Variants in NBAS observed in about 807,000 individuals in gnomAD.
NBAS encodes the protein NAG/BC035112 fusion.
NBAS carries 219 observed loss-of-function variants against 302.5 expected under a neutral mutation model. The ratio of observed to expected loss-of-function variants is 0.72; its 90% CI spans 0.65 to 0.81. The LOEUF (loss-of-function observed/expected upper bound fraction) is 0.81. Ranked by LOEUF, NBAS falls within the 30% of genes least tolerant of loss-of-function variation. NBAS has a pLI of 0.00. For missense variants in NBAS, 2,932 were observed against 2,841.6 expected, an observed-to-expected ratio of 1.03 and a Z score of -0.72; for synonymous variants, 1,118 against 1,021.6, an observed-to-expected ratio of 1.09 and a Z score of -1.80.
At chr2:14,797,426 C>G in the NBAS span, among the ~76,000 whole-genome samples, 1 of 152,178 alleles carries the variant, frequency 6.6e-6, no homozygotes, top group Non-Finnish European at 1.5e-5. Context: ...TGGGGCTAGG[C>G]CAGCCCAGGA....
chr2:15,552,994 G>A lies in NBAS; in HGVS notation c.335+432C>T, dbSNP rs1004000025. 7.9e-5 allele frequency among the ~76,000 whole-genome samples: 12 copies of A among 151,974 alleles called. 1 individual carries two copies. Among genetic ancestry groups the A allele is most frequent in the East Asian group, 1.9e-4 (1 of 5,170 alleles). ...TAATTTTTGTATTTTCAGTAGAGACGGGGTTTCACCACGTTGGCCAGGATG... is the reference window on the plus strand; with the variant it reads ...TAATTTTTGTATTTTCAGTAGAGACAGGGTTTCACCACGTTGGCCAGGATG... On this transcript the variant is annotated intron_variant, in intron 5 of 51. Coordinates refer to ENST00000281513, the MANE Select transcript of NBAS (RefSeq NM_015909.4).
intron 50 of NBAS, chr2:15,179,409 C>A (rs1307497604): frequency 1.1e-5 from 4 of 352,688 alleles, no homozygotes; most frequent in Non-Finnish European, 2.1e-5. Context: ...TTTTCCTAAA[C>A]TCTCACAGCC....
the NBAS span, among the ~76,000 whole-genome samples, chr2:15,056,356 T>C: frequency 2.0e-5 from 3 of 152,194 alleles, no homozygotes; most frequent in African/African-American, 7.2e-5. Context: ...AGTATTTGGG[T>C]ATGATGGGGT....
chr2:15,293,652 A>G (rs1374118575), intron 40 of NBAS, among the ~76,000 whole-genome samples: 3 of 30,924 alleles, frequency 9.7e-5, no homozygotes, highest in South Asian at 2.4e-3. Context: ...CAAATTAGAG[A>G]AAAAAAAAAG....
the NBAS span, among the ~76,000 whole-genome samples, chr2:14,952,077 C>A: frequency 6.6e-6 from 1 of 152,194 alleles, no homozygotes; most frequent in Non-Finnish European, 1.5e-5. Context: ...CCCTCTACCT[C>A]TCAGAAAGGA....
In NBAS at chr2:15,190,396, A is replaced by ATGTC; in HGVS notation, c.6436_6439dup (p.Ile2147ArgfsTer4). 1 of 1,613,924 alleles carries ATGTC rather than the reference A, an allele frequency of 6.2e-7. No homozygotes were observed. The highest frequency in any genetic ancestry group is 8.5e-7 in the Non-Finnish European group (1 of 1,179,896). ...GTTCTCTTCATTCTCAATGTCAGCT[A>ATGTC]TGTCTACCTGGAAGAAGAAATACAC... is the stretch of plus-strand genomic sequence containing the variant. On this transcript the variant is annotated frameshift_variant, in exon 49 of 52. Coordinates refer to ENST00000281513, the MANE Select transcript of NBAS (RefSeq NM_015909.4). LOFTEE classifies it high-confidence loss of function.
At chr2:14,787,690 C>T in the NBAS span, among the ~76,000 whole-genome samples, 8 of 152,144 alleles carry the variant, frequency 5.3e-5, no homozygotes, top group Non-Finnish European at 1.0e-4. Context: ...CCAAGAGATC[C>T]GCTGTTAGTC....
At chr2:15,438,504 A>C (rs1395679979) in intron 21 of NBAS, among the ~76,000 whole-genome samples, 1 of 152,182 alleles carries the variant, frequency 6.6e-6, no homozygotes, top group African/African-American at 2.4e-5. Context: ...AATCTAAAAA[A>C]CTACCACCAC....
chr2:14,930,048 G>GT, the NBAS span, among the ~76,000 whole-genome samples: 39 of 152,162 alleles, frequency 2.6e-4, no homozygotes, highest in Non-Finnish European at 3.5e-4. Context: ...TGCCACGATT[G>GT]TAAGTTTCCT....
At chr2:15,179,791 C>T (rs1558413912) in intron 50 of NBAS, 4 of 152,322 alleles carry the variant, frequency 2.6e-5, no homozygotes, top group African/African-American at 9.7e-5. Context: ...ATTTTATTCT[C>T]AGCCCTGTAT....
chr2:15,193,914 T>TTA (rs1665485961), intron 48 of NBAS, among the ~76,000 whole-genome samples: 1 of 151,932 alleles, frequency 6.6e-6, no homozygotes, highest in Admixed American at 6.6e-5. Flanking sequence ...AAGGGAAAAT[T>TTA]CTGAAGAGTG....
At chr2:15,228,147 A>G (rs967864441) in intron 47 of NBAS, among the ~76,000 whole-genome samples, 1 of 152,206 alleles carries the variant, frequency 6.6e-6, no homozygotes, top group South Asian at 2.1e-4. Flanking sequence ...AATAGCAAAA[A>G]TATAAATAAT....
the NBAS span, among the ~76,000 whole-genome samples, chr2:14,986,686 A>T: frequency 6.6e-6 from 1 of 152,242 alleles, no homozygotes; most frequent in East Asian, 1.9e-4. Context: ...ATTTACTTGA[A>T]CTTTCCAATG....
chr2:15,117,131 T>C, the NBAS span, among the ~76,000 whole-genome samples: 3 of 152,136 alleles, frequency 2.0e-5, no homozygotes, highest in South Asian at 4.1e-4. Flanking sequence ...CTGACATACC[T>C]GGCAGAGGAA....
intron 33 of NBAS, among the ~76,000 whole-genome samples, chr2:15,354,962 C>T (rs1355562312): frequency 1.3e-5 from 2 of 152,126 alleles, no homozygotes; most frequent in Non-Finnish European, 2.9e-5. Flanking sequence ...AATTTTCCAC[C>T]CACTGACCCT....
At chr2:15,553,397 T>C (rs1664473699) in intron 5 of NBAS, 29 bp downstream of exon 5, 3 of 1,570,558 alleles carry the variant, frequency 1.9e-6, no homozygotes, top group Non-Finnish European at 2.6e-6. Context: ...TCAAAGGAAA[T>C]CTTGAATATG....
At chr2:14,807,908 CTCTG>C in the NBAS span, among the ~76,000 whole-genome samples, 10 of 152,142 alleles carry the variant, frequency 6.6e-5, no homozygotes, top group Admixed American at 3.3e-4. Context: ...TGCTATCCCT[CTCTG>C]TCTCTCTCTC....
At chr2:15,079,609 C>T in the NBAS span, among the ~76,000 whole-genome samples, 9 of 152,174 alleles carry the variant, frequency 5.9e-5, no homozygotes, top group African/African-American at 1.9e-4. Context: ...TTATGACACA[C>T]TCAATTCCTG....
intron 38 of NBAS, among the ~76,000 whole-genome samples, chr2:15,313,938 C>CT (rs1279606697): frequency 6.6e-6 from 1 of 152,212 alleles, no homozygotes; most frequent in African/African-American, 2.4e-5. Flanking sequence ...CACACGTCAC[C>CT]TGGTGAACTC....
Sources: allele counts gnomAD v4.1 joint callset (sites outside exome capture counted in the v4.1 genomes callset), GRCh38; gene constraint gnomAD v4.1.1; transcripts MANE v1.5; gene names NCBI Gene and HGNC (gene_info 2026-07-23, HGNC 2026-07-21).